Variants in TIAM1 observed in about 807,000 individuals in gnomAD.
The protein encoded by TIAM1 is TIAM Rac1 associated GEF 1, also known as rho guanine nucleotide exchange factor TIAM1.
In TIAM1, 65 loss-of-function variants were observed where a neutral mutation model predicts 163.5. The ratio of observed to expected loss-of-function variants is 0.40; its 90% CI spans 0.33 to 0.49. The LOEUF (loss-of-function observed/expected upper bound fraction) is 0.49. Ranked by LOEUF, TIAM1 falls within the 20% of genes least tolerant of loss-of-function variation. The pLI, the probability that TIAM1 is intolerant of heterozygous loss-of-function variation, is 0.77. For missense variants in TIAM1, 1,789 were observed against 2,044.7 expected, an observed-to-expected ratio of 0.87 and a Z score of 2.41; for synonymous variants, 833 against 810.1, an observed-to-expected ratio of 1.03 and a Z score of -0.48.
chr21:31,161,413 AGAAAG>A (rs1312958792), intron 16 of TIAM1, among the ~76,000 whole-genome samples: 1 of 152,178 alleles, frequency 6.6e-6, no homozygotes, highest in Non-Finnish European at 1.5e-5. Flanking sequence ...GCTCAGAAAG[AGAAAG>A]GCTGCTAGAC....
intron 1 of TIAM1, among the ~76,000 whole-genome samples, chr21:31,489,261 T>G (rs1046755002): frequency 6.7e-6 from 1 of 148,334 alleles, no homozygotes; most frequent in Non-Finnish European, 1.5e-5. Context: ...TCCCAGCTAC[T>G]TGGGAGGCTG....
At chr21:31,188,908 G>A (rs1434149358) in intron 13 of TIAM1, among the ~76,000 whole-genome samples, 2 of 151,890 alleles carry the variant, frequency 1.3e-5, no homozygotes, top group Non-Finnish European at 2.9e-5. Flanking sequence ...TAGCACCCCT[G>A]TGGGGTACCA....
chr21:31,378,643 G>A (rs2076728174), intron 2 of TIAM1, among the ~76,000 whole-genome samples: 1 of 152,096 alleles, frequency 6.6e-6, no homozygotes, highest in Admixed American at 6.6e-5. Context: ...CTGATTCCCT[G>A]AAGACAATCT....
intron 2 of TIAM1, among the ~76,000 whole-genome samples, chr21:31,422,320 C>A (rs2043607026): frequency 6.6e-6 from 1 of 152,154 alleles, no homozygotes; most frequent in Non-Finnish European, 1.5e-5. Context: ...GGAAGATACT[C>A]CTGAAGAAAT....
rs755708821 is a variant in TIAM1 at position 31,146,919 on chromosome 21, T to C, written c.3451A>G (p.Lys1151Glu). 6.2e-7 allele frequency: 1 copy of C among 1,613,964 alleles called. No homozygotes were observed. Among genetic ancestry groups the C allele is most frequent in the Non-Finnish European group, 8.5e-7 (1 of 1,179,970 alleles). ...CCTTTCACCAGGACCTTGGGAACTT[T>C]TGTGTGGCTGGCGCAGAAGGCACTG... ...LYSAFCASHTKVPKVLVKAKT... is the reference protein window; with the variant it reads ...LYSAFCASHTEVPKVLVKAKT... Residue 1151 changes from lysine (K) to glutamate (E), a missense_variant, in exon 20 of 28, where the codon AAA becomes GAA. This residue lies in a region of TIAM1 where 60 missense variants were observed against 132.6 expected (regional missense o/e 0.45). Transcript: ENST00000541036.
intron 5 of TIAM1, among the ~76,000 whole-genome samples, chr21:31,248,099 G>C (rs1601696326): frequency 6.6e-6 from 1 of 152,120 alleles, no homozygotes; most frequent in South Asian, 2.1e-4. Context: ...TAATTATCCA[G>C]AAAATGTCAA....
chr21:31,364,469 A>G (rs2076465774), intron 2 of TIAM1, among the ~76,000 whole-genome samples: 2 of 152,216 alleles, frequency 1.3e-5, no homozygotes, highest in Admixed American at 1.3e-4. Flanking sequence ...ATGAGCCCCC[A>G]GCAACTGAAG....
At chr21:31,282,971 T>C (rs1364449591) in intron 2 of TIAM1, among the ~76,000 whole-genome samples, 7 of 152,174 alleles carry the variant, frequency 4.6e-5, no homozygotes, top group Non-Finnish European at 1.5e-5. Context: ...CAACCACAAG[T>C]TGGGAACTAT....
intron 1 of TIAM1, among the ~76,000 whole-genome samples, chr21:31,531,104 T>A (rs2047954378): frequency 1.3e-5 from 2 of 152,170 alleles, no homozygotes; most frequent in Non-Finnish European, 2.9e-5. Flanking sequence ...ACGTCCTCTC[T>A]GTGCACAGAG....
chr21:31,130,445 AT>A (rs1276628714), intron 24 of TIAM1, 130 bp from the exon 25 acceptor site: 1 of 683,334 alleles, frequency 1.5e-6, no homozygotes, highest in Admixed American at 2.5e-5. Flanking sequence ...CTTCACCCCC[AT>A]GAGCTCCTGT....
chr21:31,457,778 G>A lies in TIAM1; in HGVS notation c.-369+6205C>T, dbSNP rs2045162893. Among the ~76,000 whole-genome samples the A allele has an allele frequency of 2.6e-5, 4 of 152,154 alleles. No individual in the cohort carries two copies. The South Asian group carries it at 8.3e-4, about 31-fold the overall frequency. On this transcript the variant is annotated intron_variant, in intron 2 of 28. Transcript: ENST00000286827. ...ACTAAGCCAGTGGATCTCAACCAGG[G>A]TAATCTTGTGTCCCCCCACCTCCTG...
At chr21:31,367,366 C>T (rs966660841) in intron 2 of TIAM1, among the ~76,000 whole-genome samples, 3 of 152,170 alleles carry the variant, frequency 2.0e-5, no homozygotes, top group African/African-American at 4.8e-5. Context: ...GACTTAGTTT[C>T]CCAGTCAACA....
chr21:31,146,089 G>T (rs909452732), intron 20 of TIAM1, among the ~76,000 whole-genome samples: 17 of 152,218 alleles, frequency 1.1e-4, no homozygotes, highest in African/African-American at 4.1e-4. Context: ...ACTGCAAAAT[G>T]ACCCATCAAT....
intron 8 of TIAM1, 134 bp from the exon 9 acceptor site, chr21:31,217,833 A>G (rs1257939620): frequency 2.0e-6 from 2 of 1,010,804 alleles, no homozygotes; most frequent in African/African-American, 1.6e-5. Flanking sequence ...CCCAATGCCT[A>G]AAGTATTCAA....
At chr21:31,421,735 A>C (rs750725721) in intron 2 of TIAM1, among the ~76,000 whole-genome samples, 5 of 152,118 alleles carry the variant, frequency 3.3e-5, no homozygotes, top group Non-Finnish European at 5.9e-5. Flanking sequence ...CACGCCTATA[A>C]TCCCAACGTT....
chr21:31,202,006 T>A (rs1454835470), intron 12 of TIAM1, among the ~76,000 whole-genome samples: 5 of 152,094 alleles, frequency 3.3e-5, no homozygotes, highest in Non-Finnish European at 7.4e-5. Context: ...TTTTCTTGGC[T>A]AGTTCCATAT....
intron 4 of TIAM1, among the ~76,000 whole-genome samples, chr21:31,264,566 TA>T (rs2072653221): frequency 6.6e-6 from 1 of 152,200 alleles, no homozygotes; most frequent in Admixed American, 6.5e-5. Context: ...GTCACTCAGG[TA>T]AGAAGACGTG....
chr21:31,492,776 T>TACACAC (rs3055373), intron 1 of TIAM1, among the ~76,000 whole-genome samples: 1,708 of 139,732 alleles, frequency 0.012, 22 homozygotes, highest in East Asian at 0.022. Context: ...TATTTTGGGT[T>TACACAC]ACACACACAC....
At chr21:31,177,724 G>A (rs1320174029) in intron 15 of TIAM1, among the ~76,000 whole-genome samples, 1 of 152,214 alleles carries the variant, frequency 6.6e-6, no homozygotes, top group Non-Finnish European at 1.5e-5. Flanking sequence ...ACCTCTCTAT[G>A]AGAAAGCAGT....
Sources: allele counts gnomAD v4.1 joint callset (sites outside exome capture counted in the v4.1 genomes callset), GRCh38; gene constraint gnomAD v4.1.1; regional missense constraint gnomAD v4.1.1; transcripts MANE v1.5; gene names NCBI Gene and HGNC (gene_info 2026-07-23, HGNC 2026-07-21).